The following KLF12 variants were observed in gnomAD, a reference collection of about 807,000 sequenced individuals.
KLF12 encodes KLF transcription factor 12, also known as Krueppel-like factor 12.
KLF12 carries 9 observed loss-of-function variants against 37.8 expected under a neutral mutation model. The ratio of observed to expected loss-of-function variants is 0.24; its 90% confidence interval spans 0.14 to 0.42. The LOEUF (loss-of-function observed/expected upper bound fraction) is 0.42. KLF12 is among the 10% of genes least tolerant of loss of function. KLF12 has a pLI of 1.00. For synonymous variants in KLF12, 208 were observed against 202.1 expected, an observed-to-expected ratio of 1.03 and a Z score of -0.25; for missense variants, 411 against 516.0, an observed-to-expected ratio of 0.80 and a Z score of 1.97.
intron 6 of KLF12, among the ~76,000 whole-genome samples, chr13:73,754,408 C>G (rs182337875): frequency 2.0e-5 from 3 of 152,152 alleles, no homozygotes; most frequent in Admixed American, 1.3e-4. Context: ...CTGGTGTGCC[C>G]GGGACCCTTG....
intron 5 of KLF12, among the ~76,000 whole-genome samples, chr13:73,776,033 G>GA (rs1309389582): frequency 6.6e-6 from 1 of 151,940 alleles, no homozygotes; most frequent in Non-Finnish European, 1.5e-5. Flanking sequence ...CATCTCTAAG[G>GA]AAAAAATGTA....
At chr13:73,852,649 T>C (rs1217297857) in intron 3 of KLF12, among the ~76,000 whole-genome samples, 2 of 151,238 alleles carry the variant, frequency 1.3e-5, no homozygotes, top group African/African-American at 4.9e-5. Context: ...TGGTGGCGCG[T>C]GCCTGTAATC....
the KLF12 span, among the ~76,000 whole-genome samples, chr13:74,193,199 C>T: frequency 2.6e-5 from 4 of 151,952 alleles, no homozygotes; most frequent in South Asian, 2.1e-4. Flanking sequence ...AGGCTGGTCT[C>T]GAACTCCTGA....
chr13:73,841,258 C>T (rs534952461), intron 4 of KLF12, among the ~76,000 whole-genome samples: 5 of 152,114 alleles, frequency 3.3e-5, no homozygotes, highest in Non-Finnish European at 5.9e-5. Flanking sequence ...AATAATGAAC[C>T]AAGAATAACT....
the KLF12 span, among the ~76,000 whole-genome samples, chr13:74,301,372 G>A: frequency 2.0e-5 from 3 of 152,138 alleles, no homozygotes; most frequent in Non-Finnish European, 2.9e-5. Flanking sequence ...CATGATGACA[G>A]TCCCCAATAC....
At chr13:74,284,854 C>T in the KLF12 span, among the ~76,000 whole-genome samples, 15 of 152,140 alleles carry the variant, frequency 9.9e-5, no homozygotes, top group African/African-American at 2.2e-4. Context: ...TATAGAATTA[C>T]GACAACATTC....
Position 73,689,325 on chromosome 13 carries a change from C to T in KLF12, c.*6165G>A, listed in dbSNP as rs921805375. The T allele has an allele frequency of 1.3e-5, 2 of 152,028 alleles. No individual in the cohort carries two copies. Among genetic ancestry groups the T allele is most frequent in the South Asian group, 2.1e-4 (1 of 4,832 alleles). 9.4% of individuals were successfully genotyped at this position (152,028 alleles called of 1,614,324 possible). ...TTTGAGGCCTGTGGTCTGAGTCCAT[C>T]ATGGAAGTCTAAAGCCTGAATGTTT... On this transcript the variant is annotated 3_prime_UTR_variant, in exon 8 of 8. Coordinates refer to ENST00000377669, the MANE Select transcript of KLF12 (RefSeq NM_007249.5).
At chr13:73,755,245 A>C (rs1879070380) in intron 6 of KLF12, among the ~76,000 whole-genome samples, 1 of 152,222 alleles carries the variant, frequency 6.6e-6, no homozygotes, top group Non-Finnish European at 1.5e-5. Flanking sequence ...GGAATGGAAA[A>C]AGAGATGGAA....
At chr13:73,948,478 C>A (rs1192117177) in intron 2 of KLF12, among the ~76,000 whole-genome samples, 5 of 152,188 alleles carry the variant, frequency 3.3e-5, no homozygotes, top group Non-Finnish European at 5.9e-5. Flanking sequence ...CTTGGCCTCC[C>A]AAAGTGCTGG....
At chr13:73,839,229 A>G (rs1884604428) in intron 4 of KLF12, among the ~76,000 whole-genome samples, 1 of 148,952 alleles carries the variant, frequency 6.7e-6, no homozygotes. Flanking sequence ...AGTACCTGGG[A>G]CCACAGGTGC....
chr13:73,735,874 AGGCCAACTG>A (rs1409322998), intron 6 of KLF12, among the ~76,000 whole-genome samples: 2 of 152,092 alleles, frequency 1.3e-5, no homozygotes, highest in Non-Finnish European at 2.9e-5. Flanking sequence ...AAGGATGCAT[AGGCCAACTG>A]GGTCAAGATT....
At chr13:74,052,977 C>T (rs868099453) in intron 1 of KLF12, among the ~76,000 whole-genome samples, 2 of 152,286 alleles carry the variant, frequency 1.3e-5, no homozygotes, top group South Asian at 4.1e-4. Flanking sequence ...CTATCCACCA[C>T]CGTCATACAA....
At chr13:73,916,896 T>C (rs1161651986) in intron 3 of KLF12, among the ~76,000 whole-genome samples, 4 of 152,218 alleles carry the variant, frequency 2.6e-5, no homozygotes, top group Non-Finnish European at 5.9e-5. Flanking sequence ...ATTGTCCTTA[T>C]TTGTTAACTT....
At chr13:74,079,228 G>A (rs1874742725) in intron 1 of KLF12, among the ~76,000 whole-genome samples, 1 of 152,130 alleles carries the variant, frequency 6.6e-6, no homozygotes. Context: ...AGGGGCTGAG[G>A]GGAATGAGAA....
At chr13:74,283,647 A>T in the KLF12 span, among the ~76,000 whole-genome samples, 34 of 152,140 alleles carry the variant, frequency 2.2e-4, no homozygotes, top group African/African-American at 7.7e-4. Context: ...TTCATTCCTT[A>T]TTCCATAACT....
intron 3 of KLF12, among the ~76,000 whole-genome samples, chr13:73,921,102 G>A (rs967016522): frequency 1.3e-5 from 2 of 151,820 alleles, no homozygotes; most frequent in East Asian, 3.9e-4. Context: ...AGGCCCACTC[G>A]TCTCCCCTAA....
At chr13:73,847,021 T>C (rs1361616852) in intron 3 of KLF12, among the ~76,000 whole-genome samples, 1 of 152,202 alleles carries the variant, frequency 6.6e-6, no homozygotes, top group Admixed American at 6.5e-5. Flanking sequence ...ATAATGATGA[T>C]AATGTTGTTC....
chr13:73,982,720 T>TA (rs746789956), intron 2 of KLF12, among the ~76,000 whole-genome samples: 1 of 152,194 alleles, frequency 6.6e-6, no homozygotes, highest in Admixed American at 6.5e-5. Context: ...TTTACCAAGA[T>TA]ATCAGCCTAG....
At chr13:73,994,529 C>T (rs1892055076) in intron 2 of KLF12, among the ~76,000 whole-genome samples, 1 of 151,546 alleles carries the variant, frequency 6.6e-6, no homozygotes, top group East Asian at 2.0e-4. Context: ...TAAAGTTTTC[C>T]ATGATGATCC....
Sources: gnomAD v4.1 joint callset for allele counts (sites outside exome capture counted in the v4.1 genomes callset) on GRCh38, gnomAD v4.1.1 for gene constraint, MANE v1.5 for transcripts, NCBI Gene and HGNC (gene_info 2026-07-23, HGNC 2026-07-21) for gene names.